The following LRRC69 variants were observed in gnomAD, a reference collection of about 807,000 sequenced individuals.
The protein encoded by LRRC69 is leucine-rich repeat-containing protein 69.
LRRC69 carries 42 observed loss-of-function variants against 37.8 expected under a neutral mutation model. That is an observed-to-expected ratio of 1.11 (90% CI 0.87 to 1.44). LRRC69 has a LOEUF of 1.44. LRRC69 is among the 40% of genes most tolerant of loss of function. The pLI is 0.00. For synonymous variants in LRRC69, 141 were observed against 143.1 expected (o/e 0.99, Z 0.11); for missense variants, 357 against 401.9 (o/e 0.89, Z 0.96).
At chr8:91,173,076 T>G (rs1332208382) in intron 5 of LRRC69, among the ~76,000 whole-genome samples, 1 of 151,946 alleles carries the variant, frequency 6.6e-6, no homozygotes, top group Non-Finnish European at 1.5e-5. Flanking sequence ...CCATTTTATT[T>G]CTCTCTGTTC....
At chr8:91,172,141 A>T (rs970940910) in intron 5 of LRRC69, among the ~76,000 whole-genome samples, 3 of 151,984 alleles carry the variant, frequency 2.0e-5, no homozygotes, top group Non-Finnish European at 4.4e-5. Flanking sequence ...TGATATATGT[A>T]TATAATTAAA....
intron 6 of LRRC69, among the ~76,000 whole-genome samples, chr8:91,191,488 AC>A (rs1267940394): frequency 6.6e-6 from 1 of 152,184 alleles, no homozygotes; most frequent in African/African-American, 2.4e-5. Flanking sequence ...ATTATTGACC[AC>A]TTTTTATAGA....
At chr8:91,131,967 C>T (rs1355396246) in intron 3 of LRRC69, among the ~76,000 whole-genome samples, 1 of 151,724 alleles carries the variant, frequency 6.6e-6, no homozygotes, top group Non-Finnish European at 1.5e-5. Context: ...TTCTCTCTGC[C>T]CATTTTCTTT....
intron 5 of LRRC69, among the ~76,000 whole-genome samples, chr8:91,168,835 T>C (rs1405450052): frequency 3.3e-5 from 5 of 151,920 alleles, no homozygotes; most frequent in African/African-American, 1.2e-4. Context: ...TTAAGAAACA[T>C]TGCTCAAAAA....
rs1253262589 is a variant in LRRC69, at chr8:91,133,132, A to C, written c.406A>C (p.Ser136Arg). The change falls in exon 4 of 8, where the codon AGT (serine) becomes CGT (arginine). Residue 136 changes from serine (S) to arginine (R), a missense_variant. By Grantham distance (110) the Ser-to-Arg change is moderately radical. Transcript: ENST00000448384. ...TAGATTAAAAAGTCTTACTTATATG[A>C]GTATAAATTATAACCAACTAGCCAG... 2.7e-6 allele frequency: 4 copies of C among 1,492,190 alleles called. No homozygotes were observed. The African/African-American group carries it at 4.3e-5, about 16-fold the overall frequency. 92.4% of individuals were successfully genotyped at this position (1,492,190 alleles called of 1,614,324 possible). A position where few individuals can be genotyped will look rare whatever the true frequency, so the allele number is the denominator to read the frequency against.
intron 5 of LRRC69, among the ~76,000 whole-genome samples, chr8:91,149,602 T>G (rs1808691627): frequency 6.6e-6 from 1 of 151,998 alleles, no homozygotes; most frequent in African/African-American, 2.4e-5. Flanking sequence ...TTTAAAGTAG[T>G]TTTTTCCAAT....
chr8:91,123,006 A>C (rs1230321254), intron 1 of LRRC69, among the ~76,000 whole-genome samples: 1 of 152,126 alleles, frequency 6.6e-6, no homozygotes, highest in African/African-American at 2.4e-5. Flanking sequence ...TGGAAGAGTC[A>C]GCATTAGTGT....
intron 5 of LRRC69, among the ~76,000 whole-genome samples, chr8:91,140,621 A>G (rs1380692536): frequency 6.6e-6 from 1 of 150,840 alleles, no homozygotes; most frequent in Non-Finnish European, 1.5e-5. Flanking sequence ...TCCTTAAATG[A>G]ATATTCTTCA....
Position 91,102,808 on chromosome 8 carries a change from C to A in LRRC69, c.147C>A (p.Ile49=). 1.9e-6 allele frequency: 3 copies of A among 1,551,344 alleles called. No homozygotes were observed. The South Asian group carries it at 3.6e-5, about 19-fold the overall frequency. ...CTCTAGTCCTTCAGAATAACCTAAT[C>A]CCCAAAGTGTGTCCAGAGTTATGCA... Residue 49 remains isoleucine, a synonymous_variant, in exon 1 of 8, where the codon ATC becomes ATA. Coordinates refer to ENST00000448384, the Ensembl canonical transcript of LRRC69.
chr8:91,173,062 G>A (rs529812424), intron 5 of LRRC69, among the ~76,000 whole-genome samples: 3 of 151,948 alleles, frequency 2.0e-5, no homozygotes, highest in South Asian at 2.1e-4. Flanking sequence ...AGCTACTCAC[G>A]GCTCCATTTT....
chr8:91,132,311 G>A (rs1338818357), intron 3 of LRRC69, among the ~76,000 whole-genome samples: 1 of 151,892 alleles, frequency 6.6e-6, no homozygotes, highest in Non-Finnish European at 1.5e-5. Flanking sequence ...AATAAGAGTA[G>A]TAATTCCAAC....
intron 5 of LRRC69, among the ~76,000 whole-genome samples, chr8:91,149,394 T>A (rs1348392710): frequency 6.6e-6 from 1 of 152,026 alleles, no homozygotes; most frequent in Non-Finnish European, 1.5e-5. Flanking sequence ...CAGGTGGTTG[T>A]ACATATGCGG....
chr8:91,177,705 A>G (rs939334386), intron 5 of LRRC69, among the ~76,000 whole-genome samples: 3 of 152,216 alleles, frequency 2.0e-5, no homozygotes, highest in African/African-American at 7.2e-5. Context: ...AATGAATAGT[A>G]TCAGCTATTC....
At chr8:91,182,920 CTAAG>C (rs1438778003) in intron 5 of LRRC69, among the ~76,000 whole-genome samples, 3 of 152,020 alleles carry the variant, frequency 2.0e-5, no homozygotes, top group Non-Finnish European at 2.9e-5. Flanking sequence ...AGGAGCCTGA[CTAAG>C]TGAGTAAACT....
intron 2 of LRRC69, among the ~76,000 whole-genome samples, chr8:91,125,738 T>C (rs1349878814): frequency 6.6e-6 from 1 of 151,766 alleles, no homozygotes; most frequent in Admixed American, 6.6e-5. Context: ...TTTTGTATCA[T>C]GTTGCCTTTA....
At chr8:91,140,227 A>C (rs988015214) in intron 5 of LRRC69, among the ~76,000 whole-genome samples, 1 of 151,976 alleles carries the variant, frequency 6.6e-6, no homozygotes, top group African/African-American at 2.4e-5. Flanking sequence ...TCATTGCACA[A>C]TTTTAGAACA....
At chr8:91,179,882 C>T (rs911894263) in intron 5 of LRRC69, among the ~76,000 whole-genome samples, 2 of 152,064 alleles carry the variant, frequency 1.3e-5, no homozygotes, top group African/African-American at 2.4e-5. Flanking sequence ...TACAATGAAA[C>T]GTCGTATGTG....
chr8:91,116,624 C>T (rs1813515286), intron 1 of LRRC69, among the ~76,000 whole-genome samples: 1 of 151,850 alleles, frequency 6.6e-6, no homozygotes, highest in African/African-American at 2.4e-5. Context: ...CAGTGTATTA[C>T]TGAAGACAGT....
chr8:91,137,348 G>A (rs923544310), intron 5 of LRRC69, among the ~76,000 whole-genome samples: 1 of 151,866 alleles, frequency 6.6e-6, no homozygotes, highest in Non-Finnish European at 1.5e-5. Flanking sequence ...TATTTCTATG[G>A]TATGCTTGAG....
Sources: allele counts gnomAD v4.1 joint callset (sites outside exome capture counted in the v4.1 genomes callset), GRCh38; gene constraint gnomAD v4.1.1; transcripts MANE v1.5; gene names NCBI Gene and HGNC (gene_info 2026-07-23, HGNC 2026-07-21).